The following BCL7A variants were observed in gnomAD, a reference collection of about 807,000 sequenced individuals.
The protein encoded by BCL7A is BAF chromatin remodeling complex subunit BCL7A, also known as B-cell CLL/lymphoma 7 protein family member A.
In BCL7A, 11 loss-of-function variants were observed where a neutral mutation model predicts 28.4. The ratio of observed to expected loss-of-function variants is 0.39; its 90% confidence interval spans 0.24 to 0.64. The LOEUF is 0.64. Among genes scored for constraint, BCL7A ranks in the 30% least tolerant of loss-of-function variants. The pLI is 0.50. For missense variants in BCL7A, 222 were observed against 274.8 expected (o/e 0.81, Z 1.36); for synonymous variants, 123 against 103.3 (o/e 1.19, Z -1.15).
At chr12:122,047,287 G>C (rs913150006) in intron 4 of BCL7A, among the ~76,000 whole-genome samples, 16 of 151,630 alleles carry the variant, frequency 1.1e-4, no homozygotes, top group Non-Finnish European at 2.2e-4. Flanking sequence ...ACTTTGGGAG[G>C]CTGAGGCGGG....
chr12:122,050,492 C>T (rs914702217), intron 4 of BCL7A, among the ~76,000 whole-genome samples: 7 of 152,228 alleles, frequency 4.6e-5, no homozygotes, highest in Non-Finnish European at 7.3e-5. Context: ...CTCATCTCCC[C>T]TCATGGCCCC....
In BCL7A at chr12:122,044,011, G is replaced by T. The variant is rs1401253913; in HGVS notation, c.397G>T (p.Asp133Tyr). Residue 133 changes from aspartate (D) to tyrosine (Y), a missense_variant, in exon 4 of 6, where the codon GAT becomes TAT. Physicochemically the swap from Asp to Tyr is radical, Grantham distance 160. Coordinates refer to ENST00000261822, the MANE Select transcript of BCL7A (RefSeq NM_001024808.3). Reference sequence around the variant, plus strand: ...CAGCGACGGCACCGAGGCCAAGGTGGATGAGGCCCAGGCTGATGGGAAGGA... The same window carrying T: ...CAGCGACGGCACCGAGGCCAAGGTGTATGAGGCCCAGGCTGATGGGAAGGA... ...VPSDGTEAKVDEAQADGKEHP... is the reference protein window; with the variant it reads ...VPSDGTEAKVYEAQADGKEHP... 1.2e-6 allele frequency: 2 copies of T among 1,613,916 alleles called. No individual in the cohort carries two copies. The highest frequency in any genetic ancestry group is 1.7e-6 in the Non-Finnish European group (2 of 1,179,996).
At chr12:122,056,119 A>G (rs2135861593) in intron 5 of BCL7A, among the ~76,000 whole-genome samples, 1 of 152,308 alleles carries the variant, frequency 6.6e-6, no homozygotes, top group East Asian at 1.9e-4. Flanking sequence ...TGCAGTGAGA[A>G]AAGCAAGCTG....
intron 1 of BCL7A, among the ~76,000 whole-genome samples, chr12:122,023,734 A>T (rs1883535517): frequency 6.6e-6 from 1 of 152,294 alleles, no homozygotes; most frequent in African/African-American, 2.4e-5. Context: ...CCATTTAAAA[A>T]TGGCAGAAAC....
chr12:122,036,537 G>A (rs368833448), intron 3 of BCL7A, among the ~76,000 whole-genome samples: 3 of 152,120 alleles, frequency 2.0e-5, no homozygotes, highest in Admixed American at 2.0e-4. Flanking sequence ...GAGAGGAAAC[G>A]TGCAAATGAT....
At chr12:122,055,568 C>T (rs758156113) in intron 5 of BCL7A, among the ~76,000 whole-genome samples, 8 of 152,198 alleles carry the variant, frequency 5.3e-5, no homozygotes, top group Non-Finnish European at 1.0e-4. Context: ...ACACAAGATG[C>T]AGAGGTGTCA....
intron 1 of BCL7A, among the ~76,000 whole-genome samples, chr12:122,022,935 C>T (rs2135833816): frequency 6.6e-6 from 1 of 152,230 alleles, no homozygotes; most frequent in East Asian, 1.9e-4. Flanking sequence ...ATGTTTTTGG[C>T]CAGAAGCCGT....
At chr12:122,037,546 G>A (rs909801088) in intron 3 of BCL7A, among the ~76,000 whole-genome samples, 6 of 152,172 alleles carry the variant, frequency 3.9e-5, no homozygotes, top group African/African-American at 9.7e-5. Flanking sequence ...GCACAGTGGC[G>A]GTGGCTCATG....
intron 3 of BCL7A, among the ~76,000 whole-genome samples, chr12:122,042,649 CAAA>C (rs55633660): frequency 3.4e-5 from 4 of 117,394 alleles, no homozygotes; most frequent in East Asian, 2.3e-4. Flanking sequence ...GACTCCATCT[CAAA>C]AAAAAAAAAA....
At chr12:122,025,213 G>A (rs1241699393) in intron 1 of BCL7A, among the ~76,000 whole-genome samples, 1 of 152,138 alleles carries the variant, frequency 6.6e-6, no homozygotes, top group Admixed American at 6.5e-5. Flanking sequence ...GCGTAAGCTT[G>A]GAGGCCCGCT....
At chr12:122,037,435 C>T (rs569288137) in intron 3 of BCL7A, among the ~76,000 whole-genome samples, 3 of 152,278 alleles carry the variant, frequency 2.0e-5, no homozygotes, top group South Asian at 4.1e-4. Flanking sequence ...GAAGGAAGGC[C>T]AGCGAACTTC....
chr12:122,050,845 G>A (rs1183483754), intron 4 of BCL7A, among the ~76,000 whole-genome samples: 2 of 152,236 alleles, frequency 1.3e-5, no homozygotes, highest in African/African-American at 2.4e-5. Flanking sequence ...CGCCGGGAGC[G>A]AAGGGGGCGA....
intron 1 of BCL7A, among the ~76,000 whole-genome samples, chr12:122,024,199 G>T (rs2135835794): frequency 6.6e-6 from 1 of 152,372 alleles, no homozygotes; most frequent in Admixed American, 6.5e-5. Context: ...AACACATCGT[G>T]TCCTCTGAAG....
At chr12:122,050,897 G>T (rs1884179135) in intron 4 of BCL7A, among the ~76,000 whole-genome samples, 1 of 152,242 alleles carries the variant, frequency 6.6e-6, no homozygotes, top group Admixed American at 6.5e-5. Flanking sequence ...GGGCTTAGGA[G>T]GAGGGTCTGG....
intron 3 of BCL7A, among the ~76,000 whole-genome samples, chr12:122,036,520 T>C (rs950868961): frequency 6.6e-6 from 1 of 152,154 alleles, no homozygotes; most frequent in Non-Finnish European, 1.5e-5. Flanking sequence ...TTTTGACCTT[T>C]TTATTTGAGA....
chr12:122,021,951 TGTGTGTGA>T lies in BCL7A; in HGVS notation c.-133_-126del. The T allele has an allele frequency of 3.4e-6, 2 of 588,904 alleles. No individual in the cohort carries two copies. Among genetic ancestry groups the T allele is most frequent in the Admixed American group, 2.6e-5 (1 of 38,462 alleles). The allele number at this position is 588,904 out of a possible 1,614,324, so 36.5% of individuals were successfully genotyped here. A position where few individuals can be genotyped will look rare whatever the true frequency, so the allele number is the denominator to read the frequency against. On this transcript the variant is annotated 5_prime_UTR_variant, in exon 1 of 6. The change abolishes the stop of an existing upstream ORF in the 5' untranslated region. Transcript: ENST00000261822. ...GTGTATGTGTGTGTGTGTGTGTGTG[TGTGTGTGA>T]GTGTGTGCGTGTGAGAGTGCGAGTG...
chr12:122,024,892 T>C (rs1883580945), intron 1 of BCL7A, among the ~76,000 whole-genome samples: 1 of 152,204 alleles, frequency 6.6e-6, no homozygotes, highest in African/African-American at 2.4e-5. Flanking sequence ...CCATGAGCCT[T>C]GGGTGGGTTT....
At chr12:122,050,209 G>C (rs1276632977) in intron 4 of BCL7A, among the ~76,000 whole-genome samples, 1 of 151,914 alleles carries the variant, frequency 6.6e-6, no homozygotes, top group African/African-American at 2.4e-5. Flanking sequence ...TCAAACTCCT[G>C]ACCTCAGGTG....
At chr12:122,049,034 A>ATG (rs1565941514) in intron 4 of BCL7A, among the ~76,000 whole-genome samples, 2 of 56,788 alleles carry the variant, frequency 3.5e-5, no homozygotes, top group South Asian at 5.8e-4. Context: ...AAAAAAAAAA[A>ATG]AATATATATA....
Sources: gnomAD v4.1 joint callset for allele counts (sites outside exome capture counted in the v4.1 genomes callset) on GRCh38, gnomAD v4.1.1 for gene constraint, MANE v1.5 for transcripts, NCBI Gene and HGNC (gene_info 2026-07-23, HGNC 2026-07-21) for gene names.